ANKS1B: variants seen among roughly 807,000 people sequenced by gnomAD.
ANKS1B encodes the protein ankyrin repeat and sterile alpha motif domain containing 1B.
ANKS1B carries 36 observed loss-of-function variants against 148.3 expected under a neutral mutation model. The ratio of observed to expected loss-of-function variants is 0.24; its 90% CI spans 0.19 to 0.32. ANKS1B has a LOEUF of 0.32. Among genes scored for constraint, ANKS1B ranks in the 10% least tolerant of loss-of-function variants. ANKS1B has a pLI of 1.00. For missense variants in ANKS1B, 1,157 were observed against 1,542.6 expected, an observed-to-expected ratio of 0.75 and a Z score of 4.19; for synonymous variants, 542 against 560.8, an observed-to-expected ratio of 0.97 and a Z score of 0.47.
chr12:99,462,123 T>C (rs190373168), intron 10 of ANKS1B, among the ~76,000 whole-genome samples: 2 of 152,364 alleles, frequency 1.3e-5, no homozygotes, highest in Admixed American at 1.3e-4. Flanking sequence ...CTATTTGCAG[T>C]TGACACTTTA....
chr12:99,121,625 G>A (rs1352675158), intron 15 of ANKS1B, among the ~76,000 whole-genome samples: 1 of 152,176 alleles, frequency 6.6e-6, no homozygotes, highest in Non-Finnish European at 1.5e-5. Flanking sequence ...AGCAGGATCA[G>A]TAGGATGCGC....
At chr12:99,500,394 T>C (rs2084737105) in intron 10 of ANKS1B, among the ~76,000 whole-genome samples, 1 of 152,182 alleles carries the variant, frequency 6.6e-6, no homozygotes, top group African/African-American at 2.4e-5. Flanking sequence ...CTCCAGTCCA[T>C]TGCCTTAGCC....
At chr12:99,388,109 T>C (rs1187416517) in intron 12 of ANKS1B, among the ~76,000 whole-genome samples, 1 of 152,160 alleles carries the variant, frequency 6.6e-6, no homozygotes, top group Non-Finnish European at 1.5e-5. Context: ...AACAGCGGAA[T>C]GGCATGATCA....
At chr12:99,350,961 CT>C (rs1566941246) in intron 12 of ANKS1B, among the ~76,000 whole-genome samples, 1 of 152,084 alleles carries the variant, frequency 6.6e-6, no homozygotes, top group Non-Finnish European at 1.5e-5. Context: ...GTATTTTTCT[CT>C]TTTCCCAAAT....
Position 98,887,329 on chromosome 12 carries a change from T to C in ANKS1B, c.2779-55193A>G, listed in dbSNP as rs145548097. Among the ~76,000 whole-genome samples, 788 of 152,324 alleles carry C rather than the reference T, an allele frequency of 5.2e-3. 9 individuals are homozygous for C. The highest frequency in any genetic ancestry group is 0.018 in the African/African-American group (750 of 41,580). The stretch of plus-strand genomic sequence containing the variant: ...AAGGTTTTTTATCTACACAGGTGAT[T>C]TGCGTTTTCCCATGCCCTGGAAGGG... On this transcript the variant is annotated intron_variant, in intron 17 of 26. Transcript: ENST00000683438.
chr12:99,695,937 A>G (rs1031138342), intron 8 of ANKS1B, among the ~76,000 whole-genome samples: 1 of 152,176 alleles, frequency 6.6e-6, no homozygotes, highest in Non-Finnish European at 1.5e-5. Context: ...GGGGACTACT[A>G]GAGCGCGGAG....
intron 12 of ANKS1B, among the ~76,000 whole-genome samples, chr12:99,259,086 T>C (rs916347704): frequency 6.6e-6 from 1 of 152,200 alleles, no homozygotes; most frequent in African/African-American, 2.4e-5. Flanking sequence ...ATCTGGCTAA[T>C]GCAAAGCCGG....
chr12:98,821,913 CTTT>C (rs35654710), intron 19 of ANKS1B, among the ~76,000 whole-genome samples: 1 of 137,804 alleles, frequency 7.3e-6, no homozygotes, highest in Non-Finnish European at 1.6e-5. Context: ...TGGCCTGGGA[CTTT>C]TTTTTTTTTT....
intron 8 of ANKS1B, among the ~76,000 whole-genome samples, chr12:99,704,879 C>G (rs1470555410): frequency 6.6e-6 from 1 of 151,906 alleles, no homozygotes; most frequent in Non-Finnish European, 1.5e-5. Flanking sequence ...CCCAAAACGT[C>G]ATTAAAATGA....
intron 22 of ANKS1B, among the ~76,000 whole-genome samples, chr12:98,790,684 G>A (rs1310125156): frequency 6.6e-6 from 1 of 151,686 alleles, no homozygotes; most frequent in Non-Finnish European, 1.5e-5. Flanking sequence ...CCAAAGCAAA[G>A]CACTGGCAAA....
intron 12 of ANKS1B, among the ~76,000 whole-genome samples, chr12:99,332,388 C>G (rs554634708): frequency 6.6e-6 from 1 of 152,174 alleles, no homozygotes; most frequent in African/African-American, 2.4e-5. Flanking sequence ...CAAATACTCA[C>G]TAAACACAGG....
intron 11 of ANKS1B, among the ~76,000 whole-genome samples, chr12:99,418,570 G>C (rs971484652): frequency 6.6e-6 from 1 of 152,090 alleles, no homozygotes; most frequent in Non-Finnish European, 1.5e-5. Context: ...TTTCTACGAA[G>C]ACAATCATGT....
intron 3 of ANKS1B, among the ~76,000 whole-genome samples, chr12:99,809,871 C>T (rs2068109863): frequency 6.6e-6 from 1 of 152,018 alleles, no homozygotes; most frequent in South Asian, 2.1e-4. Flanking sequence ...GGCTTTGGAT[C>T]AGAAAAACCT....
chr12:99,402,310 C>A (rs1013469603), intron 11 of ANKS1B, among the ~76,000 whole-genome samples: 1 of 145,680 alleles, frequency 6.9e-6, no homozygotes, highest in African/African-American at 2.6e-5. Flanking sequence ...TTAAAGTGAA[C>A]CTTCCTTTTT....
At chr12:99,259,314 G>T (rs186772545) in intron 12 of ANKS1B, among the ~76,000 whole-genome samples, 63 of 152,306 alleles carry the variant, frequency 4.1e-4, no homozygotes, top group African/African-American at 1.5e-3. Context: ...GATGCTGAAT[G>T]GTGTTAGATA....
intron 12 of ANKS1B, among the ~76,000 whole-genome samples, chr12:99,340,277 G>A (rs1291722614): frequency 6.6e-6 from 1 of 152,056 alleles, no homozygotes; most frequent in Non-Finnish European, 1.5e-5. Flanking sequence ...TGCTCTCAGT[G>A]AACTGCTGAT....
chr12:99,609,817 A>T (rs2097884845), intron 9 of ANKS1B, among the ~76,000 whole-genome samples: 1 of 152,126 alleles, frequency 6.6e-6, no homozygotes, highest in Non-Finnish European at 1.5e-5. Flanking sequence ...ATCCAAACAA[A>T]TGATTTTCTC....
chr12:99,442,357 C>CA (rs945304171), intron 11 of ANKS1B, among the ~76,000 whole-genome samples: 5 of 151,830 alleles, frequency 3.3e-5, no homozygotes, highest in Admixed American at 2.0e-4. Context: ...AAACATTTTT[C>CA]TTCTCCACAT....
intron 1 of ANKS1B, among the ~76,000 whole-genome samples, chr12:99,938,567 C>T (rs2094837542): frequency 6.6e-6 from 1 of 152,234 alleles, no homozygotes; most frequent in African/African-American, 2.4e-5. Context: ...ATTCAAGTTG[C>T]TAACATATCA....
Sources: gnomAD v4.1 joint callset for allele counts (sites outside exome capture counted in the v4.1 genomes callset) on GRCh38, gnomAD v4.1.1 for gene constraint, MANE v1.5 for transcripts, NCBI Gene and HGNC (gene_info 2026-07-23, HGNC 2026-07-21) for gene names.